TRAPPC9: variants seen among roughly 807,000 people sequenced by gnomAD.
The protein encoded by TRAPPC9 is IKK2 binding protein.
In TRAPPC9, 83 loss-of-function variants were observed where a neutral mutation model predicts 124.0. That is an observed-to-expected ratio of 0.67 (90% CI 0.56 to 0.80). The LOEUF (loss-of-function observed/expected upper bound fraction) is 0.80. Among genes scored for constraint, TRAPPC9 ranks in the 30% least tolerant of loss-of-function variants. The probability of loss-of-function intolerance (pLI) is 0.00; values close to 1 mark genes in which losing one functional copy is unlikely to be tolerated. For synonymous variants in TRAPPC9, 638 were observed against 617.5 expected (o/e 1.03, Z -0.49); for missense variants, 1,302 against 1,508.3 (o/e 0.86, Z 2.27).
intron 18 of TRAPPC9, 70 bp from the exon 19 acceptor site, chr8:139,988,906 C>G: frequency 9.1e-7 from 1 of 1,094,150 alleles, no homozygotes; most frequent in South Asian, 1.3e-5. Context: ...CCTTTTTCTC[C>G]TCTCCAAAGA....
chr8:139,998,803 T>C (rs1253497385), intron 18 of TRAPPC9, among the ~76,000 whole-genome samples: 4 of 152,182 alleles, frequency 2.6e-5, no homozygotes, highest in African/African-American at 9.7e-5. Flanking sequence ...ATTATAACAT[T>C]GGGTTTACAA....
At chr8:139,807,797 A>G (rs754023447) in intron 21 of TRAPPC9, among the ~76,000 whole-genome samples, 4 of 152,182 alleles carry the variant, frequency 2.6e-5, no homozygotes, top group Non-Finnish European at 4.4e-5. Flanking sequence ...AGCTCAATAT[A>G]AATCAGATAA....
intron 17 of TRAPPC9, among the ~76,000 whole-genome samples, chr8:140,078,977 AT>A (rs1233272320): frequency 6.6e-6 from 1 of 152,088 alleles, no homozygotes; most frequent in Non-Finnish European, 1.5e-5. Flanking sequence ...AGCTCCCATA[AT>A]TCCCATGGGA....
At chr8:139,889,346 A>T (rs954397995) in intron 20 of TRAPPC9, among the ~76,000 whole-genome samples, 3 of 152,042 alleles carry the variant, frequency 2.0e-5, no homozygotes, top group Non-Finnish European at 4.4e-5. Flanking sequence ...GGAGCTGAAC[A>T]GTTGTCCCTT....
intron 17 of TRAPPC9, among the ~76,000 whole-genome samples, chr8:140,204,717 T>TC (rs2062880545): frequency 6.6e-6 from 1 of 152,222 alleles, no homozygotes; most frequent in Non-Finnish European, 1.5e-5. Context: ...ATTGGAAGCC[T>TC]CTGAGGTCCT....
rs1244585094 is a variant in TRAPPC9, at chr8:139,882,596, C to T, written c.3055+3283G>A. 7.9e-5 allele frequency among the ~76,000 whole-genome samples: 12 copies of T among 152,170 alleles called. No homozygotes were observed. In the South Asian group the frequency reaches 1.2e-3, roughly 16 times the overall value. On this transcript the variant is annotated intron_variant, in intron 21 of 22. Transcript: ENST00000438773. The stretch of plus-strand genomic sequence containing the variant: ...AGCTGTGGGGGCCAGTATGCATCTG[C>T]GCAGGCCTGGTCCCACCACTGGCCC...
chr8:140,400,437 T>G (rs989103461), intron 6 of TRAPPC9, among the ~76,000 whole-genome samples: 1 of 152,216 alleles, frequency 6.6e-6, no homozygotes, highest in Non-Finnish European at 1.5e-5. Context: ...TCTCAAACAT[T>G]TTTAGAAACT....
chr8:140,259,724 C>G (rs185461967), intron 15 of TRAPPC9, among the ~76,000 whole-genome samples: 1 of 152,144 alleles, frequency 6.6e-6, no homozygotes, highest in South Asian at 2.1e-4. Flanking sequence ...GCTGTGTGGA[C>G]GAAGTGATTC....
Position 140,097,887 on chromosome 8 carries a change from C to T in TRAPPC9, c.2557-73808G>A, listed in dbSNP as rs1484187454. ...AGTCCTACCGGGAAAGATGCCAGCT[C>T]ATGTCCTCAATGAGCAGCTGCAGAA... On this transcript the variant is annotated intron_variant, in intron 17 of 22. Coordinates refer to ENST00000438773, the MANE Select transcript of TRAPPC9 (RefSeq NM_001160372.4). This position sits in a 1 kb window ranked among gnomAD's most constrained non-coding sequence, Gnocchi z 4.2. 2 of 152,324 alleles carry T rather than the reference C, an allele frequency of 1.3e-5. No homozygotes were observed. Among genetic ancestry groups the T allele is most frequent in the Admixed American group, 1.3e-4 (2 of 15,288 alleles). The allele number at this position is 152,324 out of a possible 1,614,324, so 9.4% of individuals were successfully genotyped here.
At position 140,211,922 on chromosome 8, in the gene TRAPPC9, G is replaced by C. The variant is rs373593413; in HGVS notation, c.2556+9537C>G. ...AAGGACAACAGTAACAGTGTGGGAGGTGCTACCATCCAGGTGGGAACGGAC... is the reference window on the plus strand; with the variant it reads ...AAGGACAACAGTAACAGTGTGGGAGCTGCTACCATCCAGGTGGGAACGGAC... On this transcript the variant is annotated intron_variant, in intron 17 of 22. Coordinates refer to ENST00000438773, the MANE Select transcript of TRAPPC9 (RefSeq NM_001160372.4). 3.9e-5 allele frequency among the ~76,000 whole-genome samples: 6 copies of C among 152,352 alleles called. No individual in the cohort carries two copies. In the East Asian group the frequency reaches 1.2e-3, roughly 29 times the overall value.
At chr8:139,815,973 C>T (rs1298392342) in intron 21 of TRAPPC9, among the ~76,000 whole-genome samples, 1 of 152,202 alleles carries the variant, frequency 6.6e-6, no homozygotes, top group African/African-American at 2.4e-5. Flanking sequence ...GGGACACGGG[C>T]AGTGAGTGAC....
intron 17 of TRAPPC9, among the ~76,000 whole-genome samples, chr8:140,047,415 G>A (rs937983163): frequency 1.3e-5 from 2 of 152,240 alleles, no homozygotes; most frequent in South Asian, 2.1e-4. Flanking sequence ...CGGAGGCCCC[G>A]CTGGCACCGG....
At chr8:140,163,878 T>C (rs1171210389) in intron 17 of TRAPPC9, among the ~76,000 whole-genome samples, 1 of 152,064 alleles carries the variant, frequency 6.6e-6, no homozygotes, top group Non-Finnish European at 1.5e-5. Context: ...AAACTATATT[T>C]TAAAAAGAAG....
chr8:139,728,322 G>A lies in TRAPPC9; in HGVS notation c.*2739C>T, dbSNP rs199235. ...AGGATCAGAAGGGCAGAACCAACTC[G>A]CTCAGCTAGTGAAGTGCAATGGACA... is the stretch of plus-strand genomic sequence containing the variant. On this transcript the variant is annotated 3_prime_UTR_variant, in exon 23 of 23. Transcript: ENST00000438773. Among the ~76,000 whole-genome samples the A allele has an allele frequency of 3.3e-3, 510 of 152,304 alleles. 3 individuals are homozygous for A. Among genetic ancestry groups the A allele is most frequent in the African/African-American group, 0.012 (489 of 41,554 alleles).
intron 21 of TRAPPC9, among the ~76,000 whole-genome samples, chr8:139,861,979 T>G (rs142862936): frequency 6.6e-6 from 1 of 152,338 alleles, no homozygotes; most frequent in East Asian, 1.9e-4. Flanking sequence ...CAAAGAGCCT[T>G]GGACACAGAT....
At chr8:139,856,753 C>T (rs925698168) in intron 21 of TRAPPC9, among the ~76,000 whole-genome samples, 2 of 148,104 alleles carry the variant, frequency 1.4e-5, no homozygotes, top group African/African-American at 4.9e-5. Context: ...AAAAAAAACC[C>T]AAGTGTTGAA....
At chr8:140,224,044 G>A (rs1017725588) in intron 16 of TRAPPC9, among the ~76,000 whole-genome samples, 3 of 152,166 alleles carry the variant, frequency 2.0e-5, no homozygotes, top group South Asian at 2.1e-4. Flanking sequence ...TGGAAGACAC[G>A]TATGAAGACT....
chr8:140,009,050 G>A (rs528572146), intron 18 of TRAPPC9, among the ~76,000 whole-genome samples: 9 of 152,246 alleles, frequency 5.9e-5, no homozygotes, highest in East Asian at 3.9e-4. Flanking sequence ...ATCTAAGGAC[G>A]GGAAAAGGGA....
At chr8:140,254,417 GC>G (rs747860312) in intron 15 of TRAPPC9, among the ~76,000 whole-genome samples, 1 of 152,216 alleles carries the variant, frequency 6.6e-6, no homozygotes, top group Non-Finnish European at 1.5e-5. Context: ...CCTGAGTGCA[GC>G]CCACATGGCC....
Sources: gnomAD v4.1 joint callset for allele counts (sites outside exome capture counted in the v4.1 genomes callset) on GRCh38, gnomAD v4.1.1 for gene constraint, Gnocchi (gnomAD v3.1) non-coding constraint, MANE v1.5 for transcripts, NCBI Gene and HGNC (gene_info 2026-07-23, HGNC 2026-07-21) for gene names.